Variants in ZNF439 observed in about 807,000 individuals in gnomAD.
ZNF439 encodes zinc finger protein 439.
In ZNF439, 40 loss-of-function variants were observed where a neutral mutation model predicts 47.3. The ratio of observed to expected loss-of-function variants is 0.85; its 90% CI spans 0.66 to 1.10. The LOEUF is 1.10. Ranked by LOEUF, ZNF439 falls within the 50% of genes least tolerant of loss-of-function variation. The pLI is 0.00. For synonymous variants in ZNF439, 171 were observed against 198.8 expected (o/e 0.86, Z 1.18); for missense variants, 556 against 601.1 (o/e 0.93, Z 0.78).
chr19:11,864,922 A>G (rs528459957), intron 1 of ZNF439, among the ~76,000 whole-genome samples: 117 of 152,114 alleles, frequency 7.7e-4, no homozygotes, highest in Non-Finnish European at 1.2e-3. Flanking sequence ...CTGGGATTAC[A>G]GGCATGCGCC....
intron 1 of ZNF439, 144 bp downstream of exon 1, chr19:11,849,074 G>A: frequency 8.2e-7 from 1 of 1,222,942 alleles, no homozygotes; most frequent in Non-Finnish European, 1.0e-6. Context: ...GCCGCTGGAT[G>A]TGGGTGGGCC....
At chr19:11,864,972 G>T (rs942484485) in intron 1 of ZNF439, among the ~76,000 whole-genome samples, 2 of 152,062 alleles carry the variant, frequency 1.3e-5, no homozygotes, top group Admixed American at 1.3e-4. Context: ...TAGAGACAAG[G>T]TTTCTCTATG....
Position 11,868,352 on chromosome 19 carries a change from A to T in ZNF439, c.1298A>T (p.His433Leu), listed in dbSNP as rs200450989. ...AGATCTGCCCCAAATCTTCAATTGC[A>T]TGGTAGGACTCACACTGGAGAGAAA... ...AFRSAPNLQL[H>L]GRTHTGEKPY... is the part of the protein sequence containing the mutation. The change falls in exon 4 of 4, where the codon CAT (histidine) becomes CTT (leucine). Residue 433 changes from histidine (H) to leucine (L), a missense_variant. By Grantham distance (99) the His-to-Leu change is moderately conservative (BLOSUM62 -3). Coordinates refer to ENST00000682736, the MANE Select transcript of ZNF439 (RefSeq NM_001348719.2). The T allele has an allele frequency of 6.2e-7, 1 of 1,602,886 alleles. No homozygotes were observed. The highest frequency in any genetic ancestry group is 8.5e-7 in the Non-Finnish European group (1 of 1,170,704).
In ZNF439 at chr19:11,868,329, A is replaced by G; in HGVS notation, c.1275A>G (p.Arg425=). The change falls in exon 4 of 4, where the codon AGA becomes AGG. Residue 425 remains arginine (R), a synonymous_variant. Coordinates refer to ENST00000682736, the MANE Select transcript of ZNF439 (RefSeq NM_001348719.2). ...GTAAGCAATGTGGGAAAGCCTTCAG[A>G]TCTGCCCCAAATCTTCAATTGCATG... ...YECKQCGKAF[R]SAPNLQLHGR... The G allele has an allele frequency of 6.2e-7, 1 of 1,602,498 alleles. No individual in the cohort carries two copies.
intron 1 of ZNF439, chr19:11,850,568 A>G (rs2145151309): frequency 1.3e-5 from 2 of 152,230 alleles, no homozygotes; most frequent in African/African-American, 4.8e-5. Flanking sequence ...AGCAATGACC[A>G]AAACACAGAC....
At chr19:11,861,250 T>G (rs925341660) in intron 1 of ZNF439, among the ~76,000 whole-genome samples, 2 of 152,346 alleles carry the variant, frequency 1.3e-5, no homozygotes, top group South Asian at 4.1e-4. Flanking sequence ...CTCCTCCTCT[T>G]ATCTTTCCGA....
chr19:11,860,668 G>C (rs1351792853), intron 1 of ZNF439, among the ~76,000 whole-genome samples: 1 of 152,192 alleles, frequency 6.6e-6, no homozygotes. Context: ...TGCTTCTAGT[G>C]AACAAGGGCC....
At chr19:11,854,043 T>A (rs1225182972) in intron 1 of ZNF439, among the ~76,000 whole-genome samples, 3 of 152,200 alleles carry the variant, frequency 2.0e-5, no homozygotes, top group South Asian at 2.1e-4. Flanking sequence ...TTCTAAGTTG[T>A]TTACACAAAT....
At chr19:11,861,861 C>T (rs1343722608) in intron 1 of ZNF439, among the ~76,000 whole-genome samples, 1 of 152,142 alleles carries the variant, frequency 6.6e-6, no homozygotes, top group African/African-American at 2.4e-5. Flanking sequence ...AGTATGTGTG[C>T]TGCTCCTCCT....
chr19:11,849,388 G>A, intron 1 of ZNF439: 2 of 757,324 alleles, frequency 2.6e-6, no homozygotes, highest in Non-Finnish European at 1.6e-6. Flanking sequence ...CTTGTGGTTT[G>A]TCAACGGAAA....
intron 1 of ZNF439, among the ~76,000 whole-genome samples, chr19:11,858,865 T>C (rs1976464604): frequency 6.6e-6 from 1 of 152,246 alleles, no homozygotes; most frequent in South Asian, 2.1e-4. Context: ...TGCCCACTTA[T>C]TGATATAGGA....
chr19:11,867,400 A>G lies in ZNF439; in HGVS notation c.346A>G (p.Lys116Glu), dbSNP rs373271904. The part of the protein sequence containing the change: ...PVPDDRLNFQ[K>E]KKASPEVKSC... ...TCCAGATGACAGGCTGAACTTCCAG[A>G]AGAAGAAAGCTTCTCCTGAAGTAAA... The change falls in exon 4 of 4, where the codon AAG becomes GAG. Residue 116 changes from lysine (K) to glutamate (E), a missense_variant. Transcript: ENST00000682736. The G allele has an allele frequency of 8.7e-5, 140 of 1,613,856 alleles. No individual in the cohort carries two copies. The highest frequency in any genetic ancestry group is 1.2e-4 in the Non-Finnish European group (136 of 1,179,886).
At chr19:11,862,180 G>A (rs1194435761) in intron 1 of ZNF439, among the ~76,000 whole-genome samples, 1 of 152,070 alleles carries the variant, frequency 6.6e-6, no homozygotes. Flanking sequence ...AAAGTGCTGG[G>A]ATTCCACTTG....
Position 11,867,335 on chromosome 19 carries a change from T to C in ZNF439, c.281T>C (p.Ile94Thr). 1 of 1,612,604 alleles carries C rather than the reference T, an allele frequency of 6.2e-7. No homozygotes were observed. Residue 94 changes from isoleucine (I) to threonine (T), a missense_variant, in exon 4 of 4, where the codon ATT becomes ACT. Ile to Thr is a moderately conservative substitution (Grantham distance 89, BLOSUM62 -1). Transcript: ENST00000682736. Reference protein sequence around the residue: ...RSVTEEKVNEIKEDSHCGETF... With the variant: ...RSVTEEKVNETKEDSHCGETF... ...GTCACAGAAGAGAAAGTCAATGAAA[T>C]TAAAGAAGACAGTCATTGTGGAGAA...
chr19:11,848,951 T>A, intron 1 of ZNF439, 21 bp downstream of exon 1: 1 of 1,543,988 alleles, frequency 6.5e-7, no homozygotes, highest in South Asian at 1.1e-5. Context: ...TGGCCGGGAG[T>A]GGTGCGATGG....
In ZNF439 at chr19:11,867,764, A is replaced by G. The variant is rs777131977; in HGVS notation, c.710A>G (p.His237Arg). ...AFHCLSLYLI[H>R]ERTHTGEKPY... Reference sequence around the variant, plus strand: ...CATTGTCTCAGTTTATATCTTATCCATGAAAGAACTCACACTGGAGAGAAA... The same window carrying G: ...CATTGTCTCAGTTTATATCTTATCCGTGAAAGAACTCACACTGGAGAGAAA... Residue 237 changes from histidine to arginine, a missense_variant, in exon 4 of 4, where the codon CAT becomes CGT. Coordinates refer to ENST00000682736, the MANE Select transcript of ZNF439 (RefSeq NM_001348719.2). 3.7e-6 allele frequency: 6 copies of G among 1,614,204 alleles called. No individual in the cohort carries two copies. The highest frequency in any genetic ancestry group is 1.7e-6 in the Non-Finnish European group (2 of 1,180,026).
chr19:11,869,103 A>G lies in ZNF439; in HGVS notation c.*534A>G, dbSNP rs946293713. On this transcript the variant is annotated 3_prime_UTR_variant, in exon 4 of 4. Transcript: ENST00000682736. ...TTGTGGGAAAGCATTCAGCTTGCTT[A>G]ATTGCTTTCATAGACATGTAAAGAC... 1.3e-5 allele frequency: 3 copies of G among 227,014 alleles called. No homozygotes were observed. The highest frequency in any genetic ancestry group is 7.1e-5 in the African/African-American group (3 of 42,098). 14.1% of individuals were successfully genotyped at this position (227,014 alleles called of 1,614,324 possible). A position where few individuals can be genotyped will look rare whatever the true frequency, so the allele number is the denominator to read the frequency against.
chr19:11,864,915 G>A (rs1368921918), intron 1 of ZNF439, among the ~76,000 whole-genome samples: 2 of 151,870 alleles, frequency 1.3e-5, no homozygotes, highest in Admixed American at 6.6e-5. Context: ...TGAGTAGCTG[G>A]GATTACAGGC....
intron 1 of ZNF439, among the ~76,000 whole-genome samples, chr19:11,865,745 T>G (rs1976659977): frequency 7.8e-6 from 1 of 127,566 alleles, no homozygotes; most frequent in Non-Finnish European, 1.6e-5. Context: ...AAAAAATTGC[T>G]GTCTGGGTGT....
Sources: allele counts gnomAD v4.1 joint callset (sites outside exome capture counted in the v4.1 genomes callset), GRCh38; gene constraint gnomAD v4.1.1; transcripts MANE v1.5; gene names NCBI Gene and HGNC (gene_info 2026-07-23, HGNC 2026-07-21).